The following FSD1L variants were observed in gnomAD, a reference collection of about 807,000 sequenced individuals.
FSD1L encodes fibronectin type III and SPRY domain containing 1 like.
FSD1L carries 45 observed loss-of-function variants against 71.6 expected under a neutral mutation model. That is an observed-to-expected ratio of 0.63 (90% CI 0.49 to 0.81). The LOEUF (loss-of-function observed/expected upper bound fraction) is 0.81, where lower values mean the gene tolerates loss of function less well. FSD1L is among the 30% of genes least tolerant of loss of function. FSD1L has a pLI of 0.00. For synonymous variants in FSD1L, 197 were observed against 207.2 expected, an observed-to-expected ratio of 0.95 and a Z score of 0.42; for missense variants, 561 against 618.1, an observed-to-expected ratio of 0.91 and a Z score of 0.98.
At chr9:105,468,507 A>T (rs1181392369) in intron 4 of FSD1L, among the ~76,000 whole-genome samples, 183 bp downstream of exon 4, 24 of 141,776 alleles carry the variant, frequency 1.7e-4, no homozygotes, top group African/African-American at 4.6e-4. Context: ...TCTCTTAACC[A>T]TTTTTTTTTT....
At chr9:105,453,729 T>A (rs889017745) in intron 1 of FSD1L, among the ~76,000 whole-genome samples, 10 of 152,150 alleles carry the variant, frequency 6.6e-5, no homozygotes, top group South Asian at 2.1e-4. Flanking sequence ...GACCTTTTTT[T>A]AAAAAAATTT....
intron 1 of FSD1L, among the ~76,000 whole-genome samples, chr9:105,457,062 C>T (rs935880846): frequency 2.6e-5 from 4 of 152,038 alleles, no homozygotes; most frequent in Admixed American, 6.6e-5. Flanking sequence ...CCCTTCTTTA[C>T]CCATAAGGCT....
At chr9:105,518,478 A>G (rs538242543) in intron 10 of FSD1L, among the ~76,000 whole-genome samples, 4 of 152,346 alleles carry the variant, frequency 2.6e-5, no homozygotes, top group African/African-American at 9.6e-5. Flanking sequence ...ACCACAGTGC[A>G]ATCAAATTAG....
intron 10 of FSD1L, chr9:105,522,675 G>A: frequency 3.1e-6 from 5 of 1,612,134 alleles, no homozygotes; most frequent in Admixed American, 3.3e-5. Context: ...ATTCACTGTT[G>A]AACGAGCCAA....
intron 12 of FSD1L, among the ~76,000 whole-genome samples, chr9:105,537,839 A>G (rs1031781443): frequency 1.3e-5 from 2 of 152,170 alleles, no homozygotes; most frequent in African/African-American, 2.4e-5. Context: ...TGCTTTTCAC[A>G]TAGAAAGCCC....
rs1442437829 is a variant in FSD1L, at chr9:105,458,763, C to T, written c.16-2757C>T. Among the ~76,000 whole-genome samples the T allele has an allele frequency of 3.3e-5, 5 of 152,220 alleles. No individual in the cohort carries two copies. The East Asian group carries it at 7.7e-4, about 23-fold the overall frequency. On this transcript the variant is annotated intron_variant, in intron 1 of 13. Coordinates refer to ENST00000481272, the MANE Select transcript of FSD1L (RefSeq NM_001145313.3). ...TGTCTTTGGCCTGAAGGTCAGGTTT[C>T]ACCAGGGACCCACCCCTATCTGCCT...
At chr9:105,508,271 C>G (rs956504575) in intron 8 of FSD1L, among the ~76,000 whole-genome samples, 1 of 150,954 alleles carries the variant, frequency 6.6e-6, no homozygotes, top group African/African-American at 2.4e-5. Flanking sequence ...TCCGCCTCCC[C>G]GGTTCACTCC....
intron 10 of FSD1L, 117 bp from the exon 11 acceptor site, chr9:105,534,376 T>C: frequency 1.7e-6 from 1 of 597,196 alleles, no homozygotes; most frequent in Non-Finnish European, 2.9e-6. Context: ...AATGGTGTTA[T>C]TTCTATAACA....
intron 10 of FSD1L, among the ~76,000 whole-genome samples, chr9:105,526,697 A>G (rs1260693466): frequency 6.6e-6 from 1 of 152,214 alleles, no homozygotes; most frequent in Non-Finnish European, 1.5e-5. Flanking sequence ...GCTTAATATT[A>G]AAGATTTAAG....
chr9:105,443,848 CT>C, upstream of FSD1L, among the ~76,000 whole-genome samples: 1 of 152,198 alleles, frequency 6.6e-6, no homozygotes, highest in East Asian at 1.9e-4. Context: ...ATGCCAGACA[CT>C]GTGCTCAAAA....
chr9:105,449,145 T>C (rs1355961368), intron 1 of FSD1L, among the ~76,000 whole-genome samples: 1 of 151,824 alleles, frequency 6.6e-6, no homozygotes, highest in Non-Finnish European at 1.5e-5. Flanking sequence ...TATTCTTTTC[T>C]ATTATTAGAA....
chr9:105,530,690 T>C (rs558395614), intron 10 of FSD1L: 4 of 551,042 alleles, frequency 7.3e-6, no homozygotes, highest in Admixed American at 6.7e-5. Flanking sequence ...TGACCACCAG[T>C]TGGGGAGGCA....
In FSD1L at chr9:105,465,645, CA is replaced by C. The variant is rs527686479; in HGVS notation, c.207+1322del. On this transcript the variant is annotated intron_variant, in intron 3 of 13. Coordinates refer to ENST00000481272, the MANE Select transcript of FSD1L (RefSeq NM_001145313.3). ...TACACCATATTAACAAAACTAAAGA[CA>C]AAAAAAAGTGTATGGTTATCTTAGT... Among the ~76,000 whole-genome samples, 1,204 of 151,242 alleles carry C rather than the reference CA, an allele frequency of 8.0e-3. 10 individuals are homozygous for C. Among genetic ancestry groups the C allele is most frequent in the Middle Eastern group, 0.021 (6 of 292 alleles).
In FSD1L at chr9:105,546,526, C is replaced by A; in HGVS notation, c.*43C>A. The A allele has an allele frequency of 9.4e-6, 14 of 1,483,650 alleles. No homozygotes were observed. The highest frequency in any genetic ancestry group is 2.8e-5 in the South Asian group (2 of 71,974). 91.9% of individuals were successfully genotyped at this position (1,483,650 alleles called of 1,614,324 possible). A position where few individuals can be genotyped will look rare whatever the true frequency, so the allele number is the denominator to read the frequency against. On this transcript the variant is annotated 3_prime_UTR_variant, in exon 14 of 14. Coordinates refer to ENST00000481272, the MANE Select transcript of FSD1L (RefSeq NM_001145313.3). ...TTTACCCTCCGTCTTGATTAGGTGG[C>A]CTTTTCTGTGCAGTTACTAATCACA...
At chr9:105,489,540 A>G (rs1174100726) in intron 7 of FSD1L, among the ~76,000 whole-genome samples, 2 of 152,204 alleles carry the variant, frequency 1.3e-5, no homozygotes, top group South Asian at 4.1e-4. Context: ...GTTTTAGGGT[A>G]CATTTGTACA....
chr9:105,540,588 T>G (rs969505695), intron 13 of FSD1L, among the ~76,000 whole-genome samples: 1 of 152,142 alleles, frequency 6.6e-6, no homozygotes, highest in Non-Finnish European at 1.5e-5. Context: ...TTGATGTGTT[T>G]GGTATGAAGT....
intron 7 of FSD1L, among the ~76,000 whole-genome samples, chr9:105,485,513 TAAC>T (rs918517739): frequency 6.9e-6 from 1 of 143,910 alleles, no homozygotes; most frequent in Non-Finnish European, 1.5e-5. Context: ...GAATATGACT[TAAC>T]AACCTTTTGG....
chr9:105,524,016 C>T, intron 10 of FSD1L: 2 of 1,599,890 alleles, frequency 1.3e-6, no homozygotes, highest in East Asian at 4.5e-5. Context: ...GCCTTCTCTT[C>T]ATCCCAACAT....
intron 10 of FSD1L, chr9:105,520,938 A>G: frequency 3.1e-6 from 5 of 1,611,956 alleles, no homozygotes; most frequent in Non-Finnish European, 4.2e-6. Context: ...AGAATGGAAG[A>G]ACAAAGAAAA....
Sources: gnomAD v4.1 joint callset for allele counts (sites outside exome capture counted in the v4.1 genomes callset) on GRCh38, gnomAD v4.1.1 for gene constraint, MANE v1.5 for transcripts, NCBI Gene and HGNC (gene_info 2026-07-23, HGNC 2026-07-21) for gene names.